VAT1L: variants seen among roughly 807,000 people sequenced by gnomAD.
VAT1L encodes putative NADPH-dependent quinone oxidoreductase VAT1L.
VAT1L carries 34 observed loss-of-function variants against 44.1 expected under a neutral mutation model. The observed-to-expected ratio is 0.77, with a 90% confidence interval of 0.59 to 1.03. The LOEUF is 1.03. Ranked by LOEUF, VAT1L falls within the 50% of genes least tolerant of loss-of-function variation. The pLI, the probability that VAT1L is intolerant of heterozygous loss-of-function variation, is 0.00. For missense variants in VAT1L, 615 were observed against 538.8 expected (o/e 1.14, Z -1.40); for synonymous variants, 253 against 202.2 (o/e 1.25, Z -2.13).
At chr16:77,925,335 C>CT in intron 7 of VAT1L, among the ~76,000 whole-genome samples, 1 of 152,286 alleles carries the variant, frequency 6.6e-6, no homozygotes. Context: ...TTATCTGAAT[C>CT]TGACAAATGT....
Position 77,818,005 on chromosome 16 carries a change from C to A in VAT1L, c.363+955C>A, listed in dbSNP as rs374874769. The stretch of plus-strand genomic sequence containing the variant: ...TTGTTATCCCCTTGCAGATGAGGTT[C>A]GGGAGGGTTCAGTAATTTTCTGTGA... On this transcript the variant is annotated intron_variant, in intron 2 of 8. Coordinates refer to ENST00000302536, the MANE Select transcript of VAT1L (RefSeq NM_020927.3). Among the ~76,000 whole-genome samples the A allele has an allele frequency of 3.3e-5, 5 of 152,260 alleles. No individual in the cohort carries two copies. The East Asian group carries it at 7.7e-4, about 24-fold the overall frequency.
chr16:77,923,528 A>T (rs571944148), intron 7 of VAT1L, among the ~76,000 whole-genome samples: 37 of 152,308 alleles, frequency 2.4e-4, no homozygotes, highest in African/African-American at 8.7e-4. Flanking sequence ...GATTGATGTT[A>T]ACAAAATTAA....
rs117111351 is a variant in VAT1L, at chr16:77,883,732, A to C, written c.883-876A>C. ...TCAGTCCCAACAATTTGGCCTCATC[A>C]TTTCTTCATGCTGTTACTTCTTCCT... On this transcript the variant is annotated intron_variant, in intron 6 of 8. Transcript: ENST00000302536. Among the ~76,000 whole-genome samples the C allele has an allele frequency of 3.2e-3, 484 of 152,172 alleles. 2 individuals are homozygous for C. The highest frequency in any genetic ancestry group is 5.7e-3 in the Non-Finnish European group (388 of 67,996).
chr16:77,938,717 G>A (rs1005176035), intron 7 of VAT1L, among the ~76,000 whole-genome samples: 4 of 152,222 alleles, frequency 2.6e-5, no homozygotes, highest in Admixed American at 6.5e-5. Context: ...TACAGGCTGC[G>A]GAACCATGAG....
chr16:77,803,607 G>A (rs779338473), intron 1 of VAT1L, among the ~76,000 whole-genome samples: 4 of 151,904 alleles, frequency 2.6e-5, no homozygotes, highest in Non-Finnish European at 4.4e-5. Context: ...TTTTAGTAGA[G>A]ACGGGGTTTC....
chr16:77,920,034 A>G (rs1281839825), intron 7 of VAT1L, among the ~76,000 whole-genome samples: 1 of 152,178 alleles, frequency 6.6e-6, no homozygotes, highest in East Asian at 1.9e-4. Context: ...CAGTGAGTCA[A>G]GATGGTGCCC....
intron 7 of VAT1L, among the ~76,000 whole-genome samples, chr16:77,946,428 C>T (rs1317541595): frequency 6.6e-6 from 1 of 151,504 alleles, no homozygotes; most frequent in Non-Finnish European, 1.5e-5. Flanking sequence ...GGACTATAGG[C>T]ACCCGCCACC....
chr16:77,956,317 C>T (rs1369582254), intron 7 of VAT1L, among the ~76,000 whole-genome samples: 2 of 152,154 alleles, frequency 1.3e-5, no homozygotes, highest in Non-Finnish European at 2.9e-5. Context: ...GACTCTCCTC[C>T]TTGAACAACA....
rs562354631 is a variant in VAT1L at position 77,955,747 on chromosome 16, G to T, written c.1078-16103G>T. On this transcript the variant is annotated intron_variant, in intron 7 of 8. Transcript: ENST00000302536. ...CCCCCCCCAAAAAAAAAAAAAGAGA[G>T]AGAATGGAATGAGTGAAATGACCCA... Among the ~76,000 whole-genome samples, 4 of 142,902 alleles carry T rather than the reference G, an allele frequency of 2.8e-5. No homozygotes were observed. The East Asian group carries it at 8.1e-4, about 29-fold the overall frequency. 93.7% of individuals were successfully genotyped at this position (142,902 alleles called of 152,430 possible).
intron 7 of VAT1L, among the ~76,000 whole-genome samples, chr16:77,953,492 G>A (rs941928851): frequency 2.0e-5 from 3 of 152,000 alleles, no homozygotes; most frequent in African/African-American, 7.3e-5. Context: ...TTTTATTTCT[G>A]GACTTTTTTT....
chr16:77,796,929 A>G (rs2015944708), intron 1 of VAT1L, among the ~76,000 whole-genome samples: 4 of 152,154 alleles, frequency 2.6e-5, no homozygotes, highest in Admixed American at 2.6e-4. Flanking sequence ...ACCTATGGCC[A>G]TGGTACACAC....
chr16:77,875,026 C>T (rs77070535), intron 4 of VAT1L, among the ~76,000 whole-genome samples: 1 of 152,050 alleles, frequency 6.6e-6, no homozygotes, highest in Non-Finnish European at 1.5e-5. Context: ...TTTAGTAAAC[C>T]CTGCAGGTTA....
intron 2 of VAT1L, among the ~76,000 whole-genome samples, chr16:77,822,856 G>T (rs1268581681): frequency 6.6e-6 from 1 of 152,114 alleles, no homozygotes; most frequent in East Asian, 1.9e-4. Context: ...TGATTCTGTG[G>T]TTCAGGTGTC....
At chr16:77,897,154 G>T (rs2017332887) in intron 7 of VAT1L, among the ~76,000 whole-genome samples, 1 of 152,094 alleles carries the variant, frequency 6.6e-6, no homozygotes, top group Non-Finnish European at 1.5e-5. Context: ...TTGAATCTTG[G>T]GACGTACATT....
intron 3 of VAT1L, among the ~76,000 whole-genome samples, chr16:77,852,297 A>T (rs1438285545): frequency 6.6e-6 from 1 of 152,154 alleles, no homozygotes; most frequent in African/African-American, 2.4e-5. Context: ...AGCTTTGGGA[A>T]AGCAAAAGTC....
Position 77,977,780 on chromosome 16 carries a change from A to C in VAT1L, c.*85A>C, listed in dbSNP as rs908002989. On this transcript the variant is annotated 3_prime_UTR_variant, in exon 9 of 9. Transcript: ENST00000302536. ...AAACTCTTCTGTGCCCCAGTGAACA[A>C]ATGCTGTAGTCCAGTGCGTGTCGTG... 4.0e-5 allele frequency: 51 copies of C among 1,285,574 alleles called. No individual in the cohort carries two copies. Among genetic ancestry groups the C allele is most frequent in the Non-Finnish European group, 7.7e-6 (7 of 907,392 alleles). 79.6% of individuals were successfully genotyped at this position (1,285,574 alleles called of 1,614,324 possible).
At chr16:77,944,594 G>C (rs375716220) in intron 7 of VAT1L, among the ~76,000 whole-genome samples, 1 of 152,148 alleles carries the variant, frequency 6.6e-6, no homozygotes, top group Admixed American at 6.5e-5. Flanking sequence ...TAAAATTGTT[G>C]TGAAGATTAA....
chr16:77,865,207 T>C (rs983467195), intron 4 of VAT1L, among the ~76,000 whole-genome samples: 1 of 152,028 alleles, frequency 6.6e-6, no homozygotes, highest in Non-Finnish European at 1.5e-5. Flanking sequence ...TCTCCTGACC[T>C]CGTGATGCGC....
At chr16:77,840,193 T>G (rs1410141052) in intron 3 of VAT1L, among the ~76,000 whole-genome samples, 1 of 152,128 alleles carries the variant, frequency 6.6e-6, no homozygotes, top group Non-Finnish European at 1.5e-5. Context: ...AGATAAGAGG[T>G]AACAGAATCA....
Sources: gnomAD v4.1 joint callset for allele counts (sites outside exome capture counted in the v4.1 genomes callset) on GRCh38, gnomAD v4.1.1 for gene constraint, MANE v1.5 for transcripts, NCBI Gene and HGNC (gene_info 2026-07-23, HGNC 2026-07-21) for gene names.